ATP2A1: variants seen among roughly 807,000 people sequenced by gnomAD.
ATP2A1 encodes ATPase sarcoplasmic/endoplasmic reticulum Ca2+ transporting 1.
A neutral mutation model predicts 109.5 loss-of-function variants in ATP2A1; 83 were observed. The ratio of observed to expected loss-of-function variants is 0.76; its 90% CI spans 0.63 to 0.91. The LOEUF (loss-of-function observed/expected upper bound fraction) is 0.91, where lower values mean the gene tolerates loss of function less well. ATP2A1 is among the 40% of genes least tolerant of loss of function. The pLI, the probability that ATP2A1 is intolerant of heterozygous loss-of-function variation, is 0.00. For missense variants in ATP2A1, 1,101 were observed against 1,341.0 expected (o/e 0.82, Z 2.80); for synonymous variants, 505 against 537.6 (o/e 0.94, Z 0.84).
intron 12 of ATP2A1, 112 bp downstream of exon 12, chr16:28,895,065 CCAGGCAG>C: frequency 6.7e-7 from 1 of 1,483,404 alleles, no homozygotes; most frequent in Non-Finnish European, 9.2e-7. Flanking sequence ...GGGACCCCAC[CCAGGCAG>C]CAGACAGCCC....
chr16:28,879,194 CT>C, intron 2 of ATP2A1, 78 bp downstream of exon 2: 1 of 1,528,028 alleles, frequency 6.5e-7, no homozygotes, highest in Non-Finnish European at 9.1e-7. Context: ...CTCCCTGCCT[CT>C]TTAGATTCTT....
chr16:28,887,818 T>C, intron 8 of ATP2A1, 96 bp downstream of exon 8: 2 of 1,473,878 alleles, frequency 1.4e-6, no homozygotes, highest in Non-Finnish European at 1.9e-6. Flanking sequence ...TTTTGTTTTT[T>C]GAGATGGAGT....
In ATP2A1 at chr16:28,880,551, A is replaced by G. The variant is rs909744358; in HGVS notation, c.220-364A>G. ...TGCGGGGGCCAGACCGCCTGCGAAG[A>G]CCACAGGGTTTTTCCTCTCGGGTTT... is the stretch of plus-strand genomic sequence containing the variant. On this transcript the variant is annotated intron_variant, in intron 3 of 22. Transcript: ENST00000395503. This position sits in a 1 kb window ranked among gnomAD's most constrained non-coding sequence, Gnocchi z 4.2. Among the ~76,000 whole-genome samples, 4 of 152,202 alleles carry G rather than the reference A, an allele frequency of 2.6e-5. No homozygotes were observed. Among genetic ancestry groups the G allele is most frequent in the African/African-American group, 9.6e-5 (4 of 41,460 alleles).
At chr16:28,889,130 T>C (rs1483118710) in intron 9 of ATP2A1, among the ~76,000 whole-genome samples, 177 bp downstream of exon 9, 1 of 152,058 alleles carries the variant, frequency 6.6e-6, no homozygotes, top group Non-Finnish European at 1.5e-5. Flanking sequence ...GAGAGGACCC[T>C]TGTGCCCCAG....
chr16:28,879,231 C>A, intron 2 of ATP2A1, 115 bp downstream of exon 2: 1 of 1,346,598 alleles, frequency 7.4e-7, no homozygotes, highest in Non-Finnish European at 1.1e-6. Context: ...TCCCAAAAGG[C>A]AAATCTCCCT....
At chr16:28,884,050 C>T (rs1167126745) in intron 5 of ATP2A1, among the ~76,000 whole-genome samples, 3 of 152,098 alleles carry the variant, frequency 2.0e-5, no homozygotes, top group Non-Finnish European at 4.4e-5. Context: ...CCCGTTTCTC[C>T]TTGCCTTCCC....
intron 6 of ATP2A1, among the ~76,000 whole-genome samples, chr16:28,886,151 A>T (rs567790968): frequency 6.6e-6 from 1 of 152,192 alleles, no homozygotes; most frequent in African/African-American, 2.4e-5. Flanking sequence ...CATGGACAAC[A>T]GAGCAAGACC....
At chr16:28,878,914 G>A in intron 1 of ATP2A1, 125 bp downstream of exon 1, 2 of 1,337,308 alleles carry the variant, frequency 1.5e-6, no homozygotes, top group African/African-American at 1.4e-5. Flanking sequence ...GTTGTCCAAT[G>A]CTCGCAGGGG....
chr16:28,887,473 G>C lies in ATP2A1; in HGVS notation c.679G>C (p.Gly227Arg), dbSNP rs764372127. 1.2e-6 allele frequency: 2 copies of C among 1,613,964 alleles called. No individual in the cohort carries two copies. The highest frequency in any genetic ancestry group is 3.3e-5 in the Admixed American group (2 of 59,994). ...GGCCTTGGGCATCGTGGCCACCACT[G>C]GTGTGGGCACCGAGATTGGGAAGAT... ...GKALGIVATT[G>R]VGTEIGKIRD... Residue 227 changes from glycine (G) to arginine (R), a missense_variant, in exon 8 of 23, where the codon GGT becomes CGT. Physicochemically the swap from Gly to Arg is moderately radical, Grantham distance 125. Transcript: ENST00000395503.
intron 9 of ATP2A1, among the ~76,000 whole-genome samples, chr16:28,892,861 A>G (rs1333791399): frequency 6.6e-6 from 1 of 152,124 alleles, no homozygotes; most frequent in Non-Finnish European, 1.5e-5. Context: ...CCTGGCCAAC[A>G]TGGCGAAATT....
chr16:28,901,962 G>C lies in ATP2A1; in HGVS notation c.2200G>C (p.Val734Leu), dbSNP rs1964087551. The stretch of plus-strand genomic sequence containing the variant: ...CGTGGCCAAGACTGCCTCTGAGATG[G>C]TGCTGGCTGACGACAACTTCTCCAC... ...TAVAKTASEM[V>L]LADDNFSTIV... The change falls in exon 16 of 23, where the codon GTG (valine) becomes CTG (leucine). Residue 734 changes from valine (V) to leucine (L), a missense_variant. By Grantham distance (32) the Val-to-Leu change is conservative. Coordinates refer to ENST00000395503, the MANE Select transcript of ATP2A1 (RefSeq NM_004320.6). The C allele has an allele frequency of 6.2e-7, 1 of 1,614,122 alleles. No homozygotes were observed. Among genetic ancestry groups the C allele is most frequent in the African/African-American group, 1.3e-5 (1 of 74,940 alleles).
chr16:28,895,630 G>A (rs544057273), intron 12 of ATP2A1, among the ~76,000 whole-genome samples: 25 of 151,580 alleles, frequency 1.6e-4, no homozygotes, highest in African/African-American at 3.1e-4. Flanking sequence ...GTTTAAGACC[G>A]GCCTGGGCAA....
chr16:28,887,887 G>A (rs919594839), intron 8 of ATP2A1, among the ~76,000 whole-genome samples, 165 bp downstream of exon 8: 9 of 152,204 alleles, frequency 5.9e-5, no homozygotes, highest in South Asian at 4.1e-4. Context: ...TGCAAGCTCC[G>A]CCTCGCGGGT....
At chr16:28,879,628 T>C (rs754984005) in intron 3 of ATP2A1, 45 bp downstream of exon 3, 26 of 1,590,780 alleles carry the variant, frequency 1.6e-5, no homozygotes, top group Non-Finnish European at 2.1e-5. Context: ...GGTGTGAGGC[T>C]GGGATCGGGC....
chr16:28,890,484 G>A (rs1254322476), intron 9 of ATP2A1, among the ~76,000 whole-genome samples: 3 of 150,456 alleles, frequency 2.0e-5, no homozygotes, highest in Non-Finnish European at 3.0e-5. Flanking sequence ...CCTGTCTCAC[G>A]CACAAAAAAA....
At chr16:28,881,266 A>C (rs1391934648) in intron 4 of ATP2A1, among the ~76,000 whole-genome samples, 1 of 152,144 alleles carries the variant, frequency 6.6e-6, no homozygotes, top group Non-Finnish European at 1.5e-5. Context: ...CATCCATAAA[A>C]TGGGGCTAGC....
At chr16:28,879,159 C>T (rs756494370) in intron 2 of ATP2A1, 43 bp downstream of exon 2, 6 of 1,610,102 alleles carry the variant, frequency 3.7e-6, no homozygotes, top group South Asian at 2.2e-5. Context: ...TGACCACCCC[C>T]CACCCCGCCC....
intron 9 of ATP2A1, among the ~76,000 whole-genome samples, chr16:28,891,191 GAGGCTGAGGCAGGAGAATC>G (rs1963761152): frequency 6.6e-6 from 1 of 152,002 alleles, no homozygotes; most frequent in South Asian, 2.1e-4. Context: ...AGCTACTAAG[GAGGCTGAGGCAGGAGAATC>G]ACTTGAACCC....
At chr16:28,892,061 A>C (rs1268318298) in intron 9 of ATP2A1, among the ~76,000 whole-genome samples, 1 of 152,198 alleles carries the variant, frequency 6.6e-6, no homozygotes, top group African/African-American at 2.4e-5. Context: ...GAGTTCTCGC[A>C]GTGGGTCTAA....
Sources: gnomAD v4.1 joint callset for allele counts (sites outside exome capture counted in the v4.1 genomes callset) on GRCh38, gnomAD v4.1.1 for gene constraint, Gnocchi (gnomAD v3.1) non-coding constraint, MANE v1.5 for transcripts, NCBI Gene and HGNC (gene_info 2026-07-23, HGNC 2026-07-21) for gene names.